Variants in NFIX observed in about 807,000 individuals in gnomAD.
NFIX encodes nuclear factor I X, also known as nuclear factor 1 X-type.
Under a neutral mutation model 53.3 loss-of-function variants are expected in NFIX, and 2 were observed. The ratio of observed to expected loss-of-function variants is 0.04; its 90% CI spans 0.02 to 0.12. The LOEUF is 0.12. NFIX is among the 10% of genes least tolerant of loss of function. NFIX has a pLI of 1.00. For missense variants in NFIX, 310 were observed against 674.5 expected, an observed-to-expected ratio of 0.46 and a Z score of 5.99; for synonymous variants, 244 against 289.0, an observed-to-expected ratio of 0.84 and a Z score of 1.58.
chr19:13,098,593 TTAC>T lies in NFIX; in HGVS notation c.*3946_*3948del, dbSNP rs1166537773. On this transcript the variant is annotated 3_prime_UTR_variant, in exon 11 of 11. Coordinates refer to ENST00000592199, the MANE Select transcript of NFIX (RefSeq NM_001365902.3). Reference sequence around the variant, plus strand: ...GAGATACATAAGAAACAAGGGTAGTTTACTGTCTGTTTTGTTTTCTGGGTTTTC... The same window carrying T: ...GAGATACATAAGAAACAAGGGTAGTTTGTCTGTTTTGTTTTCTGGGTTTTC... 1 of 150,958 alleles carries T rather than the reference TTAC, an allele frequency of 6.6e-6. No individual in the cohort carries two copies. The highest frequency in any genetic ancestry group is 6.6e-5 in the Admixed American group (1 of 15,158). 9.4% of individuals were successfully genotyped at this position (150,958 alleles called of 1,614,324 possible).
rs748662827 is a variant in NFIX at position 13,060,626 on chromosome 19, G to T, written c.560-12421G>T. Among the ~76,000 whole-genome samples, 2 of 152,206 alleles carry T rather than the reference G, an allele frequency of 1.3e-5. No homozygotes were observed. Among genetic ancestry groups the T allele is most frequent in the African/African-American group, 2.4e-5 (1 of 41,526 alleles). On this transcript the variant is annotated intron_variant, in intron 2 of 10. Transcript: ENST00000592199. The surrounding 1 kb of genome is among the most constrained non-coding windows in gnomAD (Gnocchi z 4.3). ...TGTGACCCTTGGTGCCTGGCAAGGC[G>T]GGGGGGTAGGGAGCAGCCCTCGCAC...
At position 13,021,566 on chromosome 19, in the gene NFIX, C is replaced by T. The variant is rs2012953867; in HGVS notation, c.28-3455C>T. On this transcript the variant is annotated intron_variant, in intron 1 of 10. Coordinates refer to ENST00000592199, the MANE Select transcript of NFIX (RefSeq NM_001365902.3). This position sits in a 1 kb window ranked among gnomAD's most constrained non-coding sequence, Gnocchi z 4.2. ...TTTCCGTCGCCAGCTGAGGACTGAG[C>T]CTCGCTGAGGGAGAGGGCGGCTGTA... Among the ~76,000 whole-genome samples the T allele has an allele frequency of 6.6e-6, 1 of 152,206 alleles. No individual in the cohort carries two copies. Among genetic ancestry groups the T allele is most frequent in the South Asian group, 2.1e-4 (1 of 4,824 alleles).
At position 13,080,999 on chromosome 19, in the gene NFIX, C is replaced by CA. The variant is rs969960262; in HGVS notation, c.1079-670dup. ...TGGGTGAGAGAGCGAGACTCAGTCTCAAAAAAAAAAATTCTTTAGGCTGGG... is the reference window on the plus strand; with the variant it reads ...TGGGTGAGAGAGCGAGACTCAGTCTCAAAAAAAAAAAATTCTTTAGGCTGGG... On this transcript the variant is annotated intron_variant, in intron 7 of 10. Transcript: ENST00000592199. Among the ~76,000 whole-genome samples the CA allele has an allele frequency of 1.5e-3, 196 of 132,754 alleles. 1 individual carries two copies. The highest frequency in any genetic ancestry group is 5.2e-3 in the Middle Eastern group (1 of 192). 87.1% of individuals were successfully genotyped at this position (132,754 alleles called of 152,430 possible). A position where few individuals can be genotyped will look rare whatever the true frequency, so the allele number is the denominator to read the frequency against.
intron 2 of NFIX, among the ~76,000 whole-genome samples, chr19:13,064,038 G>A (rs1460212862): frequency 1.3e-5 from 2 of 151,094 alleles, no homozygotes; most frequent in Non-Finnish European, 2.9e-5. Flanking sequence ...GGGTGGGGGT[G>A]GAAGAGCAGC....
intron 2 of NFIX, among the ~76,000 whole-genome samples, chr19:13,061,545 A>G: frequency 6.6e-6 from 1 of 152,166 alleles, no homozygotes; most frequent in East Asian, 1.9e-4. Context: ...TCGCTGCGCC[A>G]CCTAGCTATG....
chr19:13,028,976 G>A lies in NFIX; in HGVS notation c.559+3424G>A, dbSNP rs567711891. Among the ~76,000 whole-genome samples, 5 of 152,266 alleles carry A rather than the reference G, an allele frequency of 3.3e-5. No homozygotes were observed. Among genetic ancestry groups the A allele is most frequent in the African/African-American group, 7.2e-5 (3 of 41,562 alleles). On this transcript the variant is annotated intron_variant, in intron 2 of 10. Transcript: ENST00000592199. The surrounding 1 kb of genome is among the most constrained non-coding windows in gnomAD (Gnocchi z 4.2). ...TCCAAAGCTAACAAAATACTTGAGC[G>A]AATGGAACTGTCAGCGTCACCCTGT... is the stretch of plus-strand genomic sequence containing the variant.
rs748117102 is a variant in NFIX at position 13,028,698 on chromosome 19, G to A, written c.559+3146G>A. On this transcript the variant is annotated intron_variant, in intron 2 of 10. Transcript: ENST00000592199. The surrounding 1 kb of genome is among the most constrained non-coding windows in gnomAD (Gnocchi z 4.2). ...CAGGGCAGGGTCAGAGAGCACTGCCGTGGGGAGGAGGGTATCCATTTCCTG... is the reference window on the plus strand; with the variant it reads ...CAGGGCAGGGTCAGAGAGCACTGCCATGGGGAGGAGGGTATCCATTTCCTG... Among the ~76,000 whole-genome samples the A allele has an allele frequency of 5.3e-5, 8 of 152,148 alleles. No individual in the cohort carries two copies. The highest frequency in any genetic ancestry group is 1.0e-4 in the Non-Finnish European group (7 of 68,028).
At chr19:13,075,739 C>T (rs2017061445) in intron 6 of NFIX, 68 bp downstream of exon 6, 1 of 1,546,300 alleles carries the variant, frequency 6.5e-7, no homozygotes, top group East Asian at 2.3e-5. Flanking sequence ...CTTCTCAGTT[C>T]ACCTGGTGAG....
At position 13,078,783 on chromosome 19, in the gene NFIX, G is replaced by A. The variant is rs1231090778; in HGVS notation, c.1078+48G>A. ...GGGGGGCAGTTGGGGAGGTGGCTGA[G>A]TATCTAGGGGCAGCTGGCCAGGTGA... is the stretch of plus-strand genomic sequence containing the variant. On this transcript the variant is annotated intron_variant, in intron 7 of 10. Transcript: ENST00000592199. This position sits in a 1 kb window ranked among gnomAD's most constrained non-coding sequence, Gnocchi z 4.7. The A allele has an allele frequency of 6.4e-7, 1 of 1,562,934 alleles. No homozygotes were observed. The highest frequency in any genetic ancestry group is 1.9e-5 in the Admixed American group (1 of 54,038).
rs2013427181 is a variant in NFIX, at chr19:13,027,126, T to G, written c.559+1574T>G. Among the ~76,000 whole-genome samples, 1 of 152,138 alleles carries G rather than the reference T, an allele frequency of 6.6e-6. No individual in the cohort carries two copies. Among genetic ancestry groups the G allele is most frequent in the African/African-American group, 2.4e-5 (1 of 41,430 alleles). On this transcript the variant is annotated intron_variant, in intron 2 of 10. Coordinates refer to ENST00000592199, the MANE Select transcript of NFIX (RefSeq NM_001365902.3). This position sits in a 1 kb window ranked among gnomAD's most constrained non-coding sequence, Gnocchi z 4.3. ...GGAGAAGGTGGTATTGGAATTCTTG[T>G]CCTGAGAGGTTGCTTTGGTAACTGG...
chr19:13,078,076 G>A lies in NFIX; in HGVS notation c.956-537G>A, dbSNP rs1023754918. On this transcript the variant is annotated intron_variant, in intron 6 of 10. Transcript: ENST00000592199. The surrounding 1 kb of genome is among the most constrained non-coding windows in gnomAD (Gnocchi z 4.7). ...CTCTGGCCTCTGTCCCTGCTCTCTC[G>A]CTGGGCATTGTGTCCCTCCTGAGGG... 6.6e-6 allele frequency among the ~76,000 whole-genome samples: 1 copy of A among 152,106 alleles called. No individual in the cohort carries two copies. Among genetic ancestry groups the A allele is most frequent in the Non-Finnish European group, 1.5e-5 (1 of 68,024 alleles).
At chr19:13,019,718 T>TTTTG (rs1401329176) in intron 1 of NFIX, among the ~76,000 whole-genome samples, 27 of 146,182 alleles carry the variant, frequency 1.8e-4, no homozygotes, top group African/African-American at 6.9e-4. Flanking sequence ...GCTGGTTTTT[T>TTTTG]TTTTGTTTGT....
At chr19:13,083,784 C>G (rs910766580) in intron 8 of NFIX, among the ~76,000 whole-genome samples, 1 of 152,190 alleles carries the variant, frequency 6.6e-6, no homozygotes, top group East Asian at 1.9e-4. Context: ...AGCCCACGCC[C>G]GGCTTCTGGG....
rs2017042067 is a variant in NFIX at position 13,075,521 on chromosome 19, T to C, written c.819-14T>C. The C allele has an allele frequency of 6.2e-7, 1 of 1,613,026 alleles. No individual in the cohort carries two copies. The highest frequency in any genetic ancestry group is 1.7e-5 in the Admixed American group (1 of 59,920). ...CCCATCCTTGGCCCATGTGACCCTT[T>C]CTTTCTTCCCCAGCACCACCAAGCG... On this transcript the variant is annotated splice_polypyrimidine_tract_variant and intron_variant, in intron 5 of 10. Transcript: ENST00000592199.
intron 1 of NFIX, among the ~76,000 whole-genome samples, chr19:12,997,183 C>A (rs769485971): frequency 6.6e-6 from 1 of 152,220 alleles, no homozygotes; most frequent in African/African-American, 2.4e-5. Flanking sequence ...TGGGTCCTAC[C>A]GGGAGTGTGC....
At position 13,075,643 on chromosome 19, in the gene NFIX, C is replaced by T; in HGVS notation, c.927C>T (p.Ser309=). 1 of 1,613,662 alleles carries T rather than the reference C, an allele frequency of 6.2e-7. No individual in the cohort carries two copies. Among genetic ancestry groups the T allele is most frequent in the Non-Finnish European group, 8.5e-7 (1 of 1,179,788 alleles). ...CCCCAGCAGCTGGCAGCAGCCAGTC[C>T]AGCGGGTGGCCCAACGATGTGGATG... The part of the protein sequence containing the change: ...GRSPAAGSSQ[S]SGWPNDVDAG... Residue 309 remains serine, a synonymous_variant, in exon 6 of 11, where the codon TCC becomes TCT. Coordinates refer to ENST00000592199, the MANE Select transcript of NFIX (RefSeq NM_001365902.3).
chr19:13,097,934 T>C lies in NFIX; in HGVS notation c.*3285T>C, dbSNP rs979718293. ...AGGACCAGCCACGCTGACAGGTCGATTTGCCCAGGCCCGCGCCCGCACGCA... is the reference window on the plus strand; with the variant it reads ...AGGACCAGCCACGCTGACAGGTCGACTTGCCCAGGCCCGCGCCCGCACGCA... On this transcript the variant is annotated 3_prime_UTR_variant, in exon 11 of 11. Coordinates refer to ENST00000592199, the MANE Select transcript of NFIX (RefSeq NM_001365902.3). 1 of 154,052 alleles carries C rather than the reference T, an allele frequency of 6.5e-6. No individual in the cohort carries two copies. Among genetic ancestry groups the C allele is most frequent in the Non-Finnish European group, 1.4e-5 (1 of 69,730 alleles). 9.5% of individuals were successfully genotyped at this position (154,052 alleles called of 1,614,324 possible). A position where few individuals can be genotyped will look rare whatever the true frequency, so the allele number is the denominator to read the frequency against.
At position 13,066,482 on chromosome 19, in the gene NFIX, C is replaced by A. The variant is rs1368675134; in HGVS notation, c.560-6565C>A. On this transcript the variant is annotated intron_variant, in intron 2 of 10. Transcript: ENST00000592199. This position sits in a 1 kb window ranked among gnomAD's most constrained non-coding sequence, Gnocchi z 4.2. The stretch of plus-strand genomic sequence containing the variant: ...TCACTTATCCCCTCTGCCATGTCCT[C>A]TTCCCCCATCTCCAGCAGGTCAGTC... 1.3e-5 allele frequency among the ~76,000 whole-genome samples: 2 copies of A among 152,150 alleles called. No individual in the cohort carries two copies. The highest frequency in any genetic ancestry group is 4.8e-5 in the African/African-American group (2 of 41,414).
Position 13,001,697 on chromosome 19 carries a change from C to A in NFIX, c.27+5833C>A, listed in dbSNP as rs2011706806. On this transcript the variant is annotated intron_variant, in intron 1 of 10. Transcript: ENST00000592199. The surrounding 1 kb of genome is among the most constrained non-coding windows in gnomAD (Gnocchi z 6.5). ...GTCTCCAGTGTCATCACCCTCATAT[C>A]ACTGTGCCTCCTGAGCTTGTCCCCG... 6.6e-6 allele frequency among the ~76,000 whole-genome samples: 1 copy of A among 152,172 alleles called. No homozygotes were observed. The highest frequency in any genetic ancestry group is 2.1e-4 in the South Asian group (1 of 4,828).
Sources: allele counts gnomAD v4.1 joint callset (sites outside exome capture counted in the v4.1 genomes callset), GRCh38; gene constraint gnomAD v4.1.1; non-coding constraint Gnocchi (gnomAD v3.1); transcripts MANE v1.5; gene names NCBI Gene and HGNC (gene_info 2026-07-23, HGNC 2026-07-21).